Variants in MTRF1 observed in about 807,000 individuals in gnomAD.
MTRF1 encodes the protein mitochondrial translation release factor 1, also known as peptide chain release factor 1, mitochondrial.
In MTRF1, 51 loss-of-function variants were observed where a neutral mutation model predicts 62.9. The observed-to-expected ratio is 0.81, with a 90% CI of 0.65 to 1.02. The LOEUF (loss-of-function observed/expected upper bound fraction) is 1.02. Among genes scored for constraint, MTRF1 ranks in the 50% least tolerant of loss-of-function variants. The pLI is 0.00. For synonymous variants in MTRF1, 158 were observed against 181.9 expected (o/e 0.87, Z 1.06); for missense variants, 446 against 530.0 (o/e 0.84, Z 1.56).
intron 8 of MTRF1, 95 bp downstream of exon 8, chr13:41,226,337 A>G: frequency 7.8e-7 from 1 of 1,282,576 alleles, no homozygotes. Context: ...ATGCTCTAAA[A>G]CATTCCCATT....
intron 5 of MTRF1, among the ~76,000 whole-genome samples, chr13:41,250,531 A>G (rs945263458): frequency 4.7e-5 from 7 of 150,084 alleles, no homozygotes; most frequent in African/African-American, 1.7e-4. Context: ...GTCTTACTCT[A>G]TCGCCCAGGC....
At chr13:41,272,909 A>C in the MTRF1 span, among the ~76,000 whole-genome samples, 1 of 152,066 alleles carries the variant, frequency 6.6e-6, no homozygotes, top group African/African-American at 2.4e-5. Flanking sequence ...TCTTGACCAA[A>C]TTTTGGGAGA....
chr13:41,227,532 C>A (rs898738743), intron 7 of MTRF1, among the ~76,000 whole-genome samples: 9 of 152,080 alleles, frequency 5.9e-5, no homozygotes, highest in African/African-American at 2.2e-4. Context: ...TAGTCCAGTT[C>A]CTGGTCCAAA....
chr13:41,224,963 G>A (rs1476484886), intron 8 of MTRF1, among the ~76,000 whole-genome samples: 1 of 152,100 alleles, frequency 6.6e-6, no homozygotes, highest in Non-Finnish European at 1.5e-5. Context: ...TGTAATCCCA[G>A]CACTTTAGGA....
chr13:41,266,278 T>G (rs909387275), upstream of MTRF1, among the ~76,000 whole-genome samples: 11 of 152,170 alleles, frequency 7.2e-5, no homozygotes, highest in Non-Finnish European at 1.5e-5. Flanking sequence ...TTTTTTGTTA[T>G]GGCAGCCAAG....
At chr13:41,232,513 A>G (rs553500002) in intron 7 of MTRF1, among the ~76,000 whole-genome samples, 7 of 152,348 alleles carry the variant, frequency 4.6e-5, no homozygotes, top group Admixed American at 2.0e-4. Context: ...AAGACTTTCA[A>G]TGTTCTAAGG....
At chr13:41,282,514 T>C in the MTRF1 span, among the ~76,000 whole-genome samples, 1 of 152,230 alleles carries the variant, frequency 6.6e-6, no homozygotes, top group African/African-American at 2.4e-5. Flanking sequence ...AAGAATGTTT[T>C]GATCATCATT....
chr13:41,251,081 A>G (rs1463714166), intron 5 of MTRF1, among the ~76,000 whole-genome samples: 3 of 152,208 alleles, frequency 2.0e-5, no homozygotes, highest in Non-Finnish European at 4.4e-5. Context: ...CCTCATCTGT[A>G]AAATGAGATT....
intron 7 of MTRF1, 29 bp downstream of exon 7, chr13:41,233,861 A>G: frequency 1.3e-6 from 2 of 1,544,518 alleles, no homozygotes; most frequent in Non-Finnish European, 1.8e-6. Context: ...AAAAAGGGTT[A>G]AAAGTACAAA....
At chr13:41,255,358 A>C (rs2039569650) in intron 2 of MTRF1, among the ~76,000 whole-genome samples, 1 of 152,160 alleles carries the variant, frequency 6.6e-6, no homozygotes, top group Admixed American at 6.5e-5. Flanking sequence ...CTGAGATTAC[A>C]GGTGCGTGCC....
chr13:41,292,759 G>GAAAATA, the MTRF1 span, among the ~76,000 whole-genome samples: 2 of 151,684 alleles, frequency 1.3e-5, no homozygotes, highest in East Asian at 3.9e-4. Flanking sequence ...TCATCTCAAT[G>GAAAATA]AAAATAAAAA....
At chr13:41,253,116 A>T in intron 3 of MTRF1, 86 bp from the exon 4 acceptor site, 1 of 1,047,106 alleles carries the variant, frequency 9.6e-7, no homozygotes, top group Admixed American at 2.8e-5. Flanking sequence ...CATTGAAAAA[A>T]ATCAATAATT....
At chr13:41,277,985 A>C in the MTRF1 span, among the ~76,000 whole-genome samples, 4 of 152,218 alleles carry the variant, frequency 2.6e-5, no homozygotes, top group Non-Finnish European at 5.9e-5. Flanking sequence ...CAAATCTCTT[A>C]CGTCAAAGGG....
chr13:41,252,337 TA>T (rs1168706552), intron 5 of MTRF1: 1 of 181,632 alleles, frequency 5.5e-6, no homozygotes. Flanking sequence ...AAAACCTTAA[TA>T]TACCTTTGCT....
At chr13:41,243,476 T>C (rs1298431170) in intron 5 of MTRF1, among the ~76,000 whole-genome samples, 1 of 151,612 alleles carries the variant, frequency 6.6e-6, no homozygotes, top group African/African-American at 2.4e-5. Context: ...CAACCTACTG[T>C]GTGGGCAGGT....
intron 1 of MTRF1, chr13:41,261,655 CTT>C (rs2139213176): frequency 4.1e-6 from 1 of 241,906 alleles, no homozygotes; most frequent in East Asian, 1.8e-4. Flanking sequence ...AATTCTTTAA[CTT>C]TAAGGATCTA....
At chr13:41,308,681 G>A in the MTRF1 span, among the ~76,000 whole-genome samples, 1 of 152,304 alleles carries the variant, frequency 6.6e-6, no homozygotes, top group African/African-American at 2.4e-5. Flanking sequence ...GAGCTCTGCA[G>A]AGTACACATA....
At chr13:41,269,792 T>C in the MTRF1 span, among the ~76,000 whole-genome samples, 1 of 152,230 alleles carries the variant, frequency 6.6e-6, no homozygotes, top group Non-Finnish European at 1.5e-5. Context: ...GAAACTGCCA[T>C]TGCAAAATTA....
chr13:41,256,197 G>A (rs2039691908), intron 2 of MTRF1, among the ~76,000 whole-genome samples: 2 of 152,182 alleles, frequency 1.3e-5, no homozygotes, highest in South Asian at 4.1e-4. Flanking sequence ...ATTACAATAT[G>A]AGATGGGGGA....
Sources: allele counts gnomAD v4.1 joint callset (sites outside exome capture counted in the v4.1 genomes callset), GRCh38; gene constraint gnomAD v4.1.1; transcripts MANE v1.5; gene names NCBI Gene and HGNC (gene_info 2026-07-23, HGNC 2026-07-21).